CPNE8: variants seen among roughly 807,000 people sequenced by gnomAD.
CPNE8 encodes copine-8.
CPNE8 carries 45 observed loss-of-function variants against 81.5 expected under a neutral mutation model. The ratio of observed to expected loss-of-function variants is 0.55; its 90% confidence interval spans 0.44 to 0.71. The LOEUF (loss-of-function observed/expected upper bound fraction) is 0.71. Among genes scored for constraint, CPNE8 ranks in the 30% least tolerant of loss-of-function variants. The pLI is 0.00. For missense variants in CPNE8, 594 were observed against 672.1 expected (o/e 0.88, Z 1.28); for synonymous variants, 252 against 226.3 (o/e 1.11, Z -1.02).
intron 15 of CPNE8, among the ~76,000 whole-genome samples, chr12:38,688,026 T>C (rs573968771): frequency 2.0e-5 from 3 of 152,306 alleles, no homozygotes; most frequent in Non-Finnish European, 4.4e-5. Context: ...TGATAAGGTA[T>C]GAAGCTAATT....
intron 18 of CPNE8, among the ~76,000 whole-genome samples, chr12:38,672,731 C>T (rs1158155539): frequency 6.6e-6 from 1 of 151,990 alleles, no homozygotes; most frequent in Non-Finnish European, 1.5e-5. Context: ...TTTTTTAGTA[C>T]TGAAAAAGAG....
intron 6 of CPNE8, among the ~76,000 whole-genome samples, chr12:38,785,058 G>A (rs566915803): frequency 6.6e-5 from 10 of 152,178 alleles, no homozygotes; most frequent in Admixed American, 2.0e-4. Flanking sequence ...AGCTGGGTGC[G>A]ATGGCACGTG....
rs543245905 is a variant in CPNE8 at position 38,791,328 on chromosome 12, A to C, written c.408-15027T>G. 5.9e-5 allele frequency among the ~76,000 whole-genome samples: 9 copies of C among 151,648 alleles called. 1 individual carries two copies. The South Asian group carries it at 1.7e-3, about 28-fold the overall frequency. On this transcript the variant is annotated intron_variant, in intron 6 of 19. Coordinates refer to ENST00000331366, the MANE Select transcript of CPNE8 (RefSeq NM_153634.3). ...TTCTTCTTCTTCAAAATTAGCTTTA[A>C]CTTATGAAACACAGACTAAAATGGA...
chr12:38,761,057 G>A (rs578207506), intron 9 of CPNE8, among the ~76,000 whole-genome samples, 169 bp from the exon 10 acceptor site: 5 of 152,176 alleles, frequency 3.3e-5, no homozygotes, highest in Non-Finnish European at 4.4e-5. Context: ...AATCCAATTC[G>A]CATCTTAAAA....
intron 16 of CPNE8, chr12:38,679,507 G>T: frequency 2.7e-6 from 2 of 731,704 alleles, no homozygotes; most frequent in African/African-American, 1.9e-5. Flanking sequence ...CATTAAAGCT[G>T]TAGAAAGTTG....
At chr12:38,751,352 T>C (rs1278478439) in intron 10 of CPNE8, among the ~76,000 whole-genome samples, 1 of 152,230 alleles carries the variant, frequency 6.6e-6, no homozygotes, top group Non-Finnish European at 1.5e-5. Flanking sequence ...TTAAAGTCTC[T>C]GCCCCTTTGT....
At chr12:38,795,863 G>GGAAGGATAGATA (rs1555160615) in intron 6 of CPNE8, among the ~76,000 whole-genome samples, 3 of 23,994 alleles carry the variant, frequency 1.3e-4, no homozygotes, top group East Asian at 1.5e-3. Flanking sequence ...ATAGATGGAT[G>GGAAGGATAGATA]GATGGATAGA....
chr12:38,850,447 GC>G (rs765823881), intron 3 of CPNE8, among the ~76,000 whole-genome samples: 23 of 152,262 alleles, frequency 1.5e-4, no homozygotes, highest in Admixed American at 5.2e-4. Flanking sequence ...CTCATAGAAT[GC>G]TGGCTCCTCA....
intron 10 of CPNE8, among the ~76,000 whole-genome samples, chr12:38,732,059 A>G (rs1463822921): frequency 4.0e-5 from 6 of 151,852 alleles, no homozygotes; most frequent in Admixed American, 1.3e-4. Context: ...GTTGTAGAGG[A>G]GGCTTATATA....
At chr12:38,843,773 G>A (rs541815044) in intron 4 of CPNE8, among the ~76,000 whole-genome samples, 7 of 152,092 alleles carry the variant, frequency 4.6e-5, no homozygotes, top group Admixed American at 1.3e-4. Flanking sequence ...TTTTTTGGAC[G>A]GTAGGAGACC....
At chr12:38,772,928 T>TAC (rs36058381) in intron 7 of CPNE8, among the ~76,000 whole-genome samples, 53,506 of 150,876 alleles carry the variant, frequency 0.35, 9,759 homozygotes, top group Non-Finnish European at 0.39. Context: ...ATAAAATTTA[T>TAC]ACACACACAC....
intron 19 of CPNE8, among the ~76,000 whole-genome samples, chr12:38,665,811 G>A (rs989562833): frequency 5.9e-5 from 9 of 152,096 alleles, no homozygotes; most frequent in Non-Finnish European, 1.3e-4. Context: ...CTTTATTTGT[G>A]ATTAAGTCTC....
intron 7 of CPNE8, among the ~76,000 whole-genome samples, chr12:38,769,304 G>A (rs967198176): frequency 1.5e-4 from 23 of 152,200 alleles, no homozygotes; most frequent in African/African-American, 4.8e-4. Context: ...TTCTAGCAAC[G>A]TATAGTGACA....
At chr12:38,704,907 A>G (rs1940066778) in intron 13 of CPNE8, among the ~76,000 whole-genome samples, 1 of 117,472 alleles carries the variant, frequency 8.5e-6, no homozygotes, top group African/African-American at 3.0e-5. Flanking sequence ...ATTTTAGTGA[A>G]TTAGTTTAGT....
chr12:38,834,577 C>T (rs369372293), intron 5 of CPNE8, among the ~76,000 whole-genome samples: 136 of 152,334 alleles, frequency 8.9e-4, no homozygotes, highest in African/African-American at 3.1e-3. Context: ...CCAAAGGTTG[C>T]TCACCCAGTC....
chr12:38,888,089 AG>A (rs1159731705), intron 1 of CPNE8, among the ~76,000 whole-genome samples: 3 of 152,206 alleles, frequency 2.0e-5, no homozygotes, highest in African/African-American at 4.8e-5. Flanking sequence ...TCCACTAAGT[AG>A]AAAGCTGGAG....
intron 6 of CPNE8, among the ~76,000 whole-genome samples, chr12:38,813,479 G>T (rs1472411091): frequency 6.6e-6 from 1 of 152,210 alleles, no homozygotes; most frequent in Non-Finnish European, 1.5e-5. Context: ...GAGGAGTTTT[G>T]AGGTATAAAT....
intron 10 of CPNE8, among the ~76,000 whole-genome samples, chr12:38,760,440 T>C (rs1172529827): frequency 7.3e-6 from 1 of 136,286 alleles, no homozygotes; most frequent in African/African-American, 2.9e-5. Flanking sequence ...GGTGTGTATA[T>C]ATATATATAT....
intron 3 of CPNE8, among the ~76,000 whole-genome samples, chr12:38,867,610 T>C (rs185878698): frequency 1.3e-5 from 2 of 152,320 alleles, no homozygotes; most frequent in Admixed American, 1.3e-4. Context: ...TCTATAATTT[T>C]AAATGTTTAA....
Sources: allele counts gnomAD v4.1 joint callset (sites outside exome capture counted in the v4.1 genomes callset), GRCh38; gene constraint gnomAD v4.1.1; transcripts MANE v1.5; gene names NCBI Gene and HGNC (gene_info 2026-07-23, HGNC 2026-07-21).